The following CUX1 variants were observed in gnomAD, a reference collection of about 807,000 sequenced individuals.
CUX1 encodes the protein protein CASP.
A neutral mutation model predicts 158.8 loss-of-function variants in CUX1; 31 were observed. The ratio of observed to expected loss-of-function variants is 0.20; its 90% CI spans 0.15 to 0.26. CUX1 has a LOEUF of 0.26. CUX1 is among the 10% of genes least tolerant of loss of function. The pLI is 1.00. For missense variants in CUX1, 1,589 were observed against 2,014.6 expected (o/e 0.79, Z 4.04); for synonymous variants, 879 against 862.1 (o/e 1.02, Z -0.34).
chr7:102,271,139 A>C (rs577309580), intron 14 of CUX1, among the ~76,000 whole-genome samples: 25 of 152,304 alleles, frequency 1.6e-4, no homozygotes, highest in African/African-American at 6.0e-4. Flanking sequence ...CACTCTGGCC[A>C]GGCAAAAGTC....
chr7:102,050,173 T>C (rs1485239924), intron 3 of CUX1, among the ~76,000 whole-genome samples: 1 of 152,224 alleles, frequency 6.6e-6, no homozygotes, highest in African/African-American at 2.4e-5. Flanking sequence ...ATTTGAATCC[T>C]GACATCATCA....
At chr7:101,927,436 C>T (rs1365166253) in intron 2 of CUX1, among the ~76,000 whole-genome samples, 1 of 151,956 alleles carries the variant, frequency 6.6e-6, no homozygotes, top group Non-Finnish European at 1.5e-5. Context: ...GGTGGGAGGA[C>T]TGCTTGAGAC....
chr7:102,262,244 AG>A (rs1790447187), downstream of CUX1, among the ~76,000 whole-genome samples: 1 of 152,216 alleles, frequency 6.6e-6, no homozygotes. Flanking sequence ...TCTACTAAAA[AG>A]ACAAAAAAAT....
At chr7:102,278,014 C>T in exon 18 of CUX1, 2 of 1,609,334 alleles carry the variant, frequency 1.2e-6, no homozygotes, top group East Asian at 2.2e-5. Flanking sequence ...TGCGCGCCGA[C>T]AACATCAAGC....
rs1205905972 is a variant in CUX1 at position 102,256,314 on chromosome 7, GAAA to G, written c.*7280_*7282del. 45 of 961,966 alleles carry G rather than the reference GAAA, an allele frequency of 4.7e-5. No individual in the cohort carries two copies. The highest frequency in any genetic ancestry group is 5.2e-5 in the Non-Finnish European group (42 of 810,142). The allele number at this position is 961,966 out of a possible 1,614,324, so 59.6% of individuals were successfully genotyped here. On this transcript the variant is annotated 3_prime_UTR_variant, in exon 24 of 24. Coordinates refer to ENST00000292535, the MANE Select transcript of CUX1 (RefSeq NM_181552.4). ...TGATTATAAAAGGATGTTTCCTTGA[GAAA>G]AAAAAAATTATTTCTATCCTCTTCT...
At chr7:102,165,350 C>CTTT (rs533978049) in intron 9 of CUX1, among the ~76,000 whole-genome samples, 10 of 105,356 alleles carry the variant, frequency 9.5e-5, no homozygotes, top group South Asian at 3.2e-4. Flanking sequence ...TAGGGGAAAG[C>CTTT]TTTTTTTTTT....
intron 2 of CUX1, among the ~76,000 whole-genome samples, chr7:102,000,599 C>T (rs1816574449): frequency 6.6e-6 from 1 of 152,222 alleles, no homozygotes; most frequent in African/African-American, 2.4e-5. Flanking sequence ...ATCCCGTGGG[C>T]ACGTTGAAGC....
chr7:102,144,501 A>G (rs1490473470), intron 8 of CUX1, among the ~76,000 whole-genome samples: 1 of 152,004 alleles, frequency 6.6e-6, no homozygotes, highest in East Asian at 1.9e-4. Context: ...CTTTCTTTTT[A>G]ATATAGTCAC....
chr7:102,257,101 C>T lies in CUX1; in HGVS notation c.*8059C>T, dbSNP rs1179941675. On this transcript the variant is annotated 3_prime_UTR_variant, in exon 24 of 24. Coordinates refer to ENST00000292535, the MANE Select transcript of CUX1 (RefSeq NM_181552.4). The stretch of plus-strand genomic sequence containing the variant: ...TTGCCAATCAGGTGTGAAGGTGAGG[C>T]GCCCTGCCTTGATCCCATGGGCCCA... The T allele has an allele frequency of 8.1e-6, 8 of 985,230 alleles. No homozygotes were observed. The East Asian group carries it at 4.5e-4, about 56-fold the overall frequency. 61.0% of individuals were successfully genotyped at this position (985,230 alleles called of 1,614,324 possible).
At chr7:101,905,520 T>C (rs1464955140) in intron 1 of CUX1, among the ~76,000 whole-genome samples, 2 of 152,160 alleles carry the variant, frequency 1.3e-5, no homozygotes, top group African/African-American at 2.4e-5. Context: ...GGATCAGAAA[T>C]TCAGTACCCT....
rs781826468 is a variant in CUX1, at chr7:102,239,374, C to A, written c.3677C>A (p.Pro1226His). 6.2e-7 allele frequency: 1 copy of A among 1,612,972 alleles called. No individual in the cohort carries two copies. Among genetic ancestry groups the A allele is most frequent in the Non-Finnish European group, 8.5e-7 (1 of 1,179,788 alleles). Reference protein sequence around the residue: ...SVSDSQPCEPPSVGTEYSQGA... With the variant: ...SVSDSQPCEPHSVGTEYSQGA... ...AGTGACAGCCAGCCCTGCGAACCGCCCTCTGTCGGCACCGAGTACAGCCAG... is the reference window on the plus strand; with the variant it reads ...AGTGACAGCCAGCCCTGCGAACCGCACTCTGTCGGCACCGAGTACAGCCAG... Residue 1226 changes from proline to histidine, a missense_variant, in exon 23 of 24, where the codon CCC (proline) becomes CAC (histidine). By Grantham distance (77) the Pro-to-His change is moderately conservative. Coordinates refer to ENST00000292535, the MANE Select transcript of CUX1 (RefSeq NM_181552.4).
At chr7:102,197,469 G>A (rs1024730485) in intron 15 of CUX1, among the ~76,000 whole-genome samples, 164 bp downstream of exon 15, 9 of 152,330 alleles carry the variant, frequency 5.9e-5, no homozygotes, top group Admixed American at 1.3e-4. Context: ...AGGGTGGCCC[G>A]GCATGAGTTA....
intron 20 of CUX1, chr7:102,280,931 T>C (rs1176110964): frequency 7.0e-7 from 1 of 1,426,794 alleles, no homozygotes; most frequent in East Asian, 2.4e-5. Context: ...CCTCTTCACC[T>C]GCCCTGCAGC....
At chr7:101,933,863 A>C (rs1389616676) in intron 2 of CUX1, among the ~76,000 whole-genome samples, 2 of 152,092 alleles carry the variant, frequency 1.3e-5, no homozygotes, top group African/African-American at 4.8e-5. Flanking sequence ...ATTTAGAAAA[A>C]CTTGTAGCGC....
chr7:101,888,230 C>T (rs1800461069), intron 1 of CUX1, among the ~76,000 whole-genome samples: 1 of 152,024 alleles, frequency 6.6e-6, no homozygotes, highest in Non-Finnish European at 1.5e-5. Context: ...ACTCGGGAGG[C>T]TGAGGCAGGA....
chr7:102,047,573 G>C (rs1380580963), intron 3 of CUX1, among the ~76,000 whole-genome samples: 1 of 149,284 alleles, frequency 6.7e-6, no homozygotes, highest in Non-Finnish European at 1.5e-5. Context: ...GATTAGTCTA[G>C]AGGTAGGGAG....
At chr7:102,126,505 A>C (rs1832660733) in intron 8 of CUX1, among the ~76,000 whole-genome samples, 1 of 151,986 alleles carries the variant, frequency 6.6e-6, no homozygotes, top group Non-Finnish European at 1.5e-5. Context: ...TTCTATACAG[A>C]TTGTTCCTTA....
intron 11 of CUX1, among the ~76,000 whole-genome samples, chr7:102,183,454 G>A (rs115324422): frequency 0.014 from 2,115 of 152,158 alleles, 48 homozygotes; most frequent in African/African-American, 0.048. Context: ...TGGACTCACC[G>A]TCCAGAGTCC....
At chr7:102,121,368 C>CT (rs1832025922) in intron 8 of CUX1, among the ~76,000 whole-genome samples, 1 of 141,544 alleles carries the variant, frequency 7.1e-6, no homozygotes, top group Non-Finnish European at 1.5e-5. Flanking sequence ...TTTTTGGAGA[C>CT]TGAGTCTCGC....
Sources: gnomAD v4.1 joint callset for allele counts (sites outside exome capture counted in the v4.1 genomes callset) on GRCh38, gnomAD v4.1.1 for gene constraint, MANE v1.5 for transcripts, NCBI Gene and HGNC (gene_info 2026-07-23, HGNC 2026-07-21) for gene names.